The following CADM2 variants were observed in gnomAD, a reference collection of about 807,000 sequenced individuals.
CADM2 encodes immunoglobulin superfamily member 4D.
Under a neutral mutation model 49.8 loss-of-function variants are expected in CADM2, and 12 were observed. That is an observed-to-expected ratio of 0.24 (90% CI 0.15 to 0.39). CADM2 has a LOEUF of 0.39. Among genes scored for constraint, CADM2 ranks in the 10% least tolerant of loss-of-function variants. The probability of loss-of-function intolerance (pLI) is 1.00; values close to 1 mark genes in which losing one functional copy is unlikely to be tolerated. For missense variants in CADM2, 378 were observed against 492.3 expected (o/e 0.77, Z 2.20); for synonymous variants, 214 against 175.4 (o/e 1.22, Z -1.74).
intron 1 of CADM2, among the ~76,000 whole-genome samples, chr3:85,263,031 C>T (rs1223059995): frequency 1.3e-5 from 2 of 151,676 alleles, no homozygotes; most frequent in African/African-American, 4.9e-5. Context: ...CTTGCTCTGT[C>T]GCCCAGGCTG....
intron 9 of CADM2, 42 bp downstream of exon 9, chr3:86,065,772 T>G: frequency 6.3e-7 from 1 of 1,599,566 alleles, no homozygotes; most frequent in South Asian, 1.1e-5. Context: ...GGGCAAAATA[T>G]TCTAGACTAA....
chr3:85,944,756 A>C (rs903435753), intron 7 of CADM2, among the ~76,000 whole-genome samples: 1 of 151,990 alleles, frequency 6.6e-6, no homozygotes, highest in Admixed American at 6.6e-5. Context: ...ATACCAGAAT[A>C]TCTGGGACAC....
At chr3:85,297,168 A>T (rs2043985937) in intron 1 of CADM2, among the ~76,000 whole-genome samples, 1 of 150,716 alleles carries the variant, frequency 6.6e-6, no homozygotes. Flanking sequence ...ACTTTTATTG[A>T]TATAGCTAAG....
chr3:85,863,567 T>C (rs187770426), intron 3 of CADM2, among the ~76,000 whole-genome samples: 2 of 152,314 alleles, frequency 1.3e-5, no homozygotes, highest in African/African-American at 4.8e-5. Context: ...GTCCTTCTGC[T>C]CTTCTGCCCC....
At chr3:85,489,915 A>G (rs1489757385) in intron 1 of CADM2, among the ~76,000 whole-genome samples, 1 of 151,996 alleles carries the variant, frequency 6.6e-6, no homozygotes, top group African/African-American at 2.4e-5. Context: ...TGCAGGTTTT[A>G]TTTACAAATA....
chr3:85,640,094 C>A (rs1174966795), intron 1 of CADM2, among the ~76,000 whole-genome samples: 6 of 152,146 alleles, frequency 3.9e-5, no homozygotes, highest in Non-Finnish European at 7.4e-5. Flanking sequence ...TCCTCAATGT[C>A]CTCCGTGTAA....
At chr3:85,337,022 TAA>T (rs1284829708) in intron 1 of CADM2, among the ~76,000 whole-genome samples, 9 of 137,300 alleles carry the variant, frequency 6.6e-5, no homozygotes, top group African/African-American at 2.4e-4. Context: ...TATATATAAA[TAA>T]ATATAAATAT....
chr3:85,816,261 C>A (rs1391144408), intron 3 of CADM2, among the ~76,000 whole-genome samples: 1 of 150,034 alleles, frequency 6.7e-6, no homozygotes, highest in Admixed American at 6.7e-5. Context: ...AAACTTAGCT[C>A]TAGAGCACCA....
At chr3:86,020,632 A>T (rs908516439) in intron 8 of CADM2, among the ~76,000 whole-genome samples, 1 of 152,032 alleles carries the variant, frequency 6.6e-6, no homozygotes, top group Non-Finnish European at 1.5e-5. Context: ...CAAAAAGCTT[A>T]TCCACCATTA....
chr3:85,642,974 A>G (rs1219653095), intron 1 of CADM2, among the ~76,000 whole-genome samples: 3 of 152,280 alleles, frequency 2.0e-5, no homozygotes, highest in African/African-American at 7.2e-5. Context: ...AATGACTGTG[A>G]CATTATTTTT....
At chr3:85,331,089 A>G (rs2044909956) in intron 1 of CADM2, among the ~76,000 whole-genome samples, 1 of 152,136 alleles carries the variant, frequency 6.6e-6, no homozygotes, top group Non-Finnish European at 1.5e-5. Context: ...AGGGTAATTT[A>G]GGGTATCCAT....
At chr3:85,321,110 ATATATATTTTTTTTTTTTTTTTTTTTTT>A (rs2044591653) in intron 1 of CADM2, among the ~76,000 whole-genome samples, 2 of 33,750 alleles carry the variant, frequency 5.9e-5, no homozygotes, top group African/African-American at 2.0e-4. Flanking sequence ...ATATATATAT[ATATATATTTTTTTTTTTTTTTTTTTTTT>A]TTTTTTTTTT....
At chr3:85,955,530 C>T (rs1723949772) in intron 7 of CADM2, among the ~76,000 whole-genome samples, 2 of 151,562 alleles carry the variant, frequency 1.3e-5, no homozygotes, top group South Asian at 2.1e-4. Context: ...TTTCCATTCT[C>T]AGTACCTAGG....
At chr3:85,273,853 CA>C (rs1379459436) in intron 1 of CADM2, among the ~76,000 whole-genome samples, 14 of 151,232 alleles carry the variant, frequency 9.3e-5, no homozygotes, top group African/African-American at 2.7e-4. Context: ...GATGAAATCC[CA>C]AGGGAGATGG....
At chr3:85,115,010 G>A (rs2038592278) in intron 1 of CADM2, among the ~76,000 whole-genome samples, 1 of 152,044 alleles carries the variant, frequency 6.6e-6, no homozygotes, top group Non-Finnish European at 1.5e-5. Context: ...CAAACATTCT[G>A]CAAAGTCTTA....
At chr3:85,815,073 A>G (rs984152355) in intron 3 of CADM2, among the ~76,000 whole-genome samples, 1 of 152,138 alleles carries the variant, frequency 6.6e-6, no homozygotes, top group African/African-American at 2.4e-5. Context: ...GAATAGACCA[A>G]TAACAATTTG....
intron 1 of CADM2, among the ~76,000 whole-genome samples, chr3:85,183,020 T>G (rs2040973348): frequency 6.6e-6 from 1 of 152,130 alleles, no homozygotes; most frequent in Non-Finnish European, 1.5e-5. Context: ...AAATATTACA[T>G]GAAGATAGCT....
intron 2 of CADM2, among the ~76,000 whole-genome samples, chr3:85,740,299 A>T (rs548091044): frequency 6.6e-6 from 1 of 152,132 alleles, no homozygotes; most frequent in Non-Finnish European, 1.5e-5. Context: ...CCCTATCTGT[A>T]TGCCTTATTC....
At chr3:85,773,032 T>C (rs781535318) in intron 2 of CADM2, among the ~76,000 whole-genome samples, 1 of 152,018 alleles carries the variant, frequency 6.6e-6, no homozygotes, top group Non-Finnish European at 1.5e-5. Context: ...GTTGCATAAT[T>C]GATTAAGCAG....
Sources: allele counts gnomAD v4.1 joint callset (sites outside exome capture counted in the v4.1 genomes callset), GRCh38; gene constraint gnomAD v4.1.1; transcripts MANE v1.5; gene names NCBI Gene and HGNC (gene_info 2026-07-23, HGNC 2026-07-21).